RALGPS1: variants seen among roughly 807,000 people sequenced by gnomAD.
The protein encoded by RALGPS1 is Ral GEF with PH domain and SH3 binding motif 1, also known as ras-specific guanine nucleotide-releasing factor RalGPS1.
Under a neutral mutation model 78.8 loss-of-function variants are expected in RALGPS1, and 19 were observed. The ratio of observed to expected loss-of-function variants is 0.24; its 90% CI spans 0.17 to 0.35. RALGPS1 has a LOEUF of 0.35. Among genes scored for constraint, RALGPS1 ranks in the 10% least tolerant of loss-of-function variants. The probability of loss-of-function intolerance (pLI) is 1.00; values close to 1 mark genes in which losing one functional copy is unlikely to be tolerated. For synonymous variants in RALGPS1, 228 were observed against 256.3 expected (o/e 0.89, Z 1.06); for missense variants, 454 against 688.3 (o/e 0.66, Z 3.81).
chr9:126,948,178 T>TA (rs1588585014), intron 1 of RALGPS1, among the ~76,000 whole-genome samples: 1 of 152,132 alleles, frequency 6.6e-6, no homozygotes, highest in African/African-American at 2.4e-5. Context: ...TATACCTTTT[T>TA]ATCCAGTTTA....
chr9:127,152,676 C>G (rs1326203596), intron 8 of RALGPS1, among the ~76,000 whole-genome samples: 1 of 152,144 alleles, frequency 6.6e-6, no homozygotes, highest in Non-Finnish European at 1.5e-5. Context: ...TTCTTAGATC[C>G]TAGCACTAAG....
chr9:127,016,131 C>T (rs78434704), intron 4 of RALGPS1, among the ~76,000 whole-genome samples: 2,660 of 152,194 alleles, frequency 0.017, 86 homozygotes, highest in African/African-American at 0.06. Context: ...TTTCCTGTCT[C>T]CTGCCACACC....
chr9:126,933,011 A>T (rs1320386929), intron 1 of RALGPS1, among the ~76,000 whole-genome samples: 1 of 152,010 alleles, frequency 6.6e-6, no homozygotes, highest in Non-Finnish European at 1.5e-5. Context: ...GGATCATGAA[A>T]TATGGGACAG....
chr9:126,941,306 G>A (rs967001980), intron 1 of RALGPS1, among the ~76,000 whole-genome samples: 1 of 152,074 alleles, frequency 6.6e-6, no homozygotes, highest in Non-Finnish European at 1.5e-5. Flanking sequence ...AATAACAAAA[G>A]GAGTATAACT....
chr9:127,065,258 C>T (rs1331967288), intron 7 of RALGPS1, among the ~76,000 whole-genome samples: 2 of 152,100 alleles, frequency 1.3e-5, no homozygotes, highest in Admixed American at 6.5e-5. Flanking sequence ...GGATTACAGG[C>T]GCACACCACC....
intron 1 of RALGPS1, among the ~76,000 whole-genome samples, chr9:126,925,630 ATTGC>A (rs1359150972): frequency 6.6e-6 from 1 of 152,116 alleles, no homozygotes; most frequent in East Asian, 1.9e-4. Flanking sequence ...AGGCAGGAAG[ATTGC>A]TTGAGTCCCA....
Position 127,183,863 on chromosome 9 carries a change from T to C in RALGPS1, c.910+9081T>C. 6.5e-7 allele frequency: 1 copy of C among 1,547,352 alleles called. No individual in the cohort carries two copies. Among genetic ancestry groups the C allele is most frequent in the Non-Finnish European group, 8.7e-7 (1 of 1,146,070 alleles). On this transcript the variant is annotated intron_variant, in intron 11 of 18. Transcript: ENST00000259351. This position sits in a 1 kb window ranked among gnomAD's most constrained non-coding sequence, Gnocchi z 4.0. ...TGGGATTTCACATCTCCTTTGTTCT[T>C]GAGTCTCCCATCTCAGCAGCCTGTC...
intron 10 of RALGPS1, among the ~76,000 whole-genome samples, chr9:127,174,004 C>G (rs770262745): frequency 2.0e-5 from 3 of 151,996 alleles, no homozygotes; most frequent in African/African-American, 4.8e-5. Flanking sequence ...CAGAGCGAGA[C>G]TCTGTCTCAA....
intron 8 of RALGPS1, among the ~76,000 whole-genome samples, chr9:127,155,537 T>C (rs545614716): frequency 1.3e-5 from 2 of 152,074 alleles, no homozygotes; most frequent in South Asian, 2.1e-4. Context: ...GCTGGAAAGG[T>C]AGTGTGGGGC....
chr9:127,020,136 A>G (rs1272345402), intron 4 of RALGPS1, among the ~76,000 whole-genome samples: 2 of 152,140 alleles, frequency 1.3e-5, no homozygotes, highest in Non-Finnish European at 2.9e-5. Flanking sequence ...TATTTGCCAT[A>G]AGAATTATGT....
chr9:127,166,148 C>T lies in RALGPS1; in HGVS notation c.690C>T (p.Ser230=). Residue 230 remains serine (S), a synonymous_variant, in exon 9 of 19, where the codon TCC becomes TCT. Coordinates refer to ENST00000259351, the MANE Select transcript of RALGPS1 (RefSeq NM_014636.3). ...SGSIMENEQR[S]NQMNNILRII... ...GTATCATGGAAAATGAACAAAGATC[C>T]AATCAGATGAACAATATTCTTCGAA... is the stretch of plus-strand genomic sequence containing the variant. The T allele has an allele frequency of 6.2e-7, 1 of 1,613,786 alleles. No individual in the cohort carries two copies. Among genetic ancestry groups the T allele is most frequent in the Non-Finnish European group, 8.5e-7 (1 of 1,179,956 alleles).
chr9:127,058,538 C>G (rs772546690), intron 7 of RALGPS1, among the ~76,000 whole-genome samples: 2 of 152,016 alleles, frequency 1.3e-5, no homozygotes, highest in African/African-American at 2.4e-5. Context: ...TTGGGGAGAG[C>G]TGACAGATTG....
At chr9:127,002,655 T>G (rs1411848065) in intron 4 of RALGPS1, among the ~76,000 whole-genome samples, 2 of 139,582 alleles carry the variant, frequency 1.4e-5, no homozygotes, top group African/African-American at 2.7e-5. Flanking sequence ...GTCCATGTGA[T>G]CTCATTGTTC....
chr9:127,130,302 A>G (rs1216267627), intron 8 of RALGPS1, among the ~76,000 whole-genome samples: 1 of 152,240 alleles, frequency 6.6e-6, no homozygotes, highest in Admixed American at 6.5e-5. Flanking sequence ...TCCTAGTGCA[A>G]TATTGGAGAC....
In RALGPS1 at chr9:126,956,329, T is replaced by A. The variant is rs1337255503; in HGVS notation, c.-65-5896T>A. On this transcript the variant is annotated intron_variant, in intron 1 of 18. Coordinates refer to ENST00000259351, the MANE Select transcript of RALGPS1 (RefSeq NM_014636.3). The stretch of plus-strand genomic sequence containing the variant: ...GGGGGCTCAGCCAGGCCTCAGGGAC[T>A]GAAGTTGGATGGGTGGGGGTTTCTC... Among the ~76,000 whole-genome samples the A allele has an allele frequency of 2.6e-5, 4 of 152,104 alleles. No individual in the cohort carries two copies. The East Asian group carries it at 7.7e-4, about 29-fold the overall frequency.
At chr9:126,947,983 A>G (rs1329263038) in intron 1 of RALGPS1, among the ~76,000 whole-genome samples, 1 of 151,896 alleles carries the variant, frequency 6.6e-6, no homozygotes, top group African/African-American at 2.4e-5. Context: ...CATTTTTTTT[A>G]GTGTTGTAAG....
intron 8 of RALGPS1, among the ~76,000 whole-genome samples, chr9:127,158,544 A>G (rs1434817215): frequency 1.3e-5 from 2 of 152,176 alleles, no homozygotes; most frequent in African/African-American, 4.8e-5. Context: ...TCAGTCGTAC[A>G]TACCAAAGGA....
intron 7 of RALGPS1, among the ~76,000 whole-genome samples, chr9:127,056,661 C>T (rs963913321): frequency 7.2e-5 from 11 of 152,164 alleles, no homozygotes; most frequent in African/African-American, 2.7e-4. Context: ...GGTAACAGCA[C>T]GCAGGGTGGA....
chr9:126,946,816 C>G (rs901869324), intron 1 of RALGPS1, among the ~76,000 whole-genome samples: 49 of 152,130 alleles, frequency 3.2e-4, no homozygotes, highest in African/African-American at 1.2e-3. Context: ...TATCCCCTGG[C>G]CTCCCAGTTT....
Sources: gnomAD v4.1 joint callset for allele counts (sites outside exome capture counted in the v4.1 genomes callset) on GRCh38, gnomAD v4.1.1 for gene constraint, Gnocchi (gnomAD v3.1) non-coding constraint, MANE v1.5 for transcripts, NCBI Gene and HGNC (gene_info 2026-07-23, HGNC 2026-07-21) for gene names.